The following CEP120 variants were observed in gnomAD, a reference collection of about 807,000 sequenced individuals.
CEP120 encodes the protein centrosomal protein of 120 kDa.
A neutral mutation model predicts 126.5 loss-of-function variants in CEP120; 113 were observed. That is an observed-to-expected ratio of 0.89 (90% CI 0.77 to 1.04). The LOEUF is 1.04. Among genes scored for constraint, CEP120 ranks in the 50% least tolerant of loss-of-function variants. CEP120 has a pLI of 0.00. For missense variants in CEP120, 1,230 were observed against 1,155.7 expected, an observed-to-expected ratio of 1.06 and a Z score of -0.93; for synonymous variants, 400 against 394.3, an observed-to-expected ratio of 1.01 and a Z score of -0.17.
At chr5:123,367,546 G>A (rs1376921058) in intron 17 of CEP120, among the ~76,000 whole-genome samples, 1 of 151,726 alleles carries the variant, frequency 6.6e-6, no homozygotes, top group East Asian at 1.9e-4. Flanking sequence ...GAACAGCGAT[G>A]CTGAACAGGT....
intron 19 of CEP120, among the ~76,000 whole-genome samples, chr5:123,349,717 T>C (rs1033453097): frequency 3.9e-5 from 6 of 152,054 alleles, no homozygotes; most frequent in African/African-American, 1.4e-4. Flanking sequence ...CACAGCTCAC[T>C]GCAGCCTGGA....
At position 123,391,477 on chromosome 5, in the gene CEP120, G is replaced by T. The variant is rs6877089; in HGVS notation, c.811-140C>A. On this transcript the variant is annotated intron_variant, in intron 6 of 19. Coordinates refer to ENST00000306467, the MANE Select transcript of CEP120 (RefSeq NM_001375405.1). Reference sequence around the variant, plus strand: ...TTATACCTCATTGACCTCAAGTGACGAAGTAATGAATTCTCACACATAACT... The same window carrying T: ...TTATACCTCATTGACCTCAAGTGACTAAGTAATGAATTCTCACACATAACT... The T allele has an allele frequency of 0.69, 430,216 of 619,656 alleles. 150,484 individuals carry two copies. Among genetic ancestry groups the T allele is most frequent in the African/African-American group, 0.75 (40,651 of 54,258 alleles). 38.4% of individuals were successfully genotyped at this position (619,656 alleles called of 1,614,324 possible).
At chr5:123,384,631 A>G (rs1771896892) in intron 11 of CEP120, among the ~76,000 whole-genome samples, 1 of 152,156 alleles carries the variant, frequency 6.6e-6, no homozygotes, top group African/African-American at 2.4e-5. Flanking sequence ...ACCTCAAATT[A>G]CAAAATAAAA....
At chr5:123,410,793 A>T (rs1196204628) in intron 4 of CEP120, among the ~76,000 whole-genome samples, 1 of 152,216 alleles carries the variant, frequency 6.6e-6, no homozygotes, top group Non-Finnish European at 1.5e-5. Context: ...TTTCAGATAC[A>T]ACTACAAAGG....
rs376410610 is a variant in CEP120 at position 123,400,244 on chromosome 5, T to C, written c.464-960A>G. Among the ~76,000 whole-genome samples the C allele has an allele frequency of 1.2e-4, 19 of 152,318 alleles. No homozygotes were observed. In the East Asian group the frequency reaches 2.9e-3, roughly 23 times the overall value. On this transcript the variant is annotated intron_variant, in intron 4 of 19. Transcript: ENST00000306467. ...CAAGGTTCCAATCCCAGTTCTGTCCTTGACTTGTTGCACAGGGAACCCATA... is the reference window on the plus strand; with the variant it reads ...CAAGGTTCCAATCCCAGTTCTGTCCCTGACTTGTTGCACAGGGAACCCATA...
At position 123,349,815 on chromosome 5, in the gene CEP120, T is replaced by G. The variant is rs1413442571; in HGVS notation, c.2726+129A>C. 4.1e-6 allele frequency: 3 copies of G among 728,562 alleles called. No homozygotes were observed. The African/African-American group carries it at 5.4e-5, about 13-fold the overall frequency. The allele number at this position is 728,562 out of a possible 1,614,324, so 45.1% of individuals were successfully genotyped here. A position where few individuals can be genotyped will look rare whatever the true frequency, so the allele number is the denominator to read the frequency against. ...CACAGTACCCAGCTGGCATAGATTT[T>G]CTATTGTATATGTCTGCTACATTTT... On this transcript the variant is annotated intron_variant, in intron 19 of 19. Coordinates refer to ENST00000306467, the MANE Select transcript of CEP120 (RefSeq NM_001375405.1).
At chr5:123,382,423 T>C (rs1229186640) in intron 13 of CEP120, among the ~76,000 whole-genome samples, 2 of 151,864 alleles carry the variant, frequency 1.3e-5, no homozygotes, top group African/African-American at 2.4e-5. Flanking sequence ...TTGTGCTTTC[T>C]AACTCTTGTT....
chr5:123,418,360 T>C lies in CEP120; in HGVS notation c.205A>G (p.Arg69Gly), dbSNP rs200815742. The C allele has an allele frequency of 6.3e-7, 1 of 1,586,312 alleles. No homozygotes were observed. Residue 69 changes from arginine to glycine, a missense_variant and splice_region_variant, in exon 2 of 20, where the codon AGG (arginine) becomes GGG (glycine). By Grantham distance (125) the Arg-to-Gly change is moderately radical. Transcript: ENST00000306467. ...AGCTAAAATGAAAATGATAATCACC[T>C]GTGCTGATGAAGCGCTTTCCTGTCA... ...EIDRKALHQH[R>G]LQRTPIKLQC...
At chr5:123,391,697 C>A (rs1320859268) in intron 6 of CEP120, among the ~76,000 whole-genome samples, 5 of 152,070 alleles carry the variant, frequency 3.3e-5, no homozygotes, top group Non-Finnish European at 7.4e-5. Context: ...AATACCTCAA[C>A]ATTTTTCTTT....
rs1771693655 is a variant in CEP120, at chr5:123,382,210, G to T, written c.2014-10C>A. On this transcript the variant is annotated splice_polypyrimidine_tract_variant and intron_variant, in intron 13 of 19. Transcript: ENST00000306467. ...GTTCTTTCTGCTTCAGCTACAAAAG[G>T]AAGAAAAATAAAGTCGCCAAAAAAC... 2 of 1,582,572 alleles carry T rather than the reference G, an allele frequency of 1.3e-6. No individual in the cohort carries two copies. Among genetic ancestry groups the T allele is most frequent in the South Asian group, 2.3e-5 (2 of 86,580 alleles).
intron 4 of CEP120, among the ~76,000 whole-genome samples, chr5:123,404,208 G>A (rs1039531703): frequency 2.0e-5 from 3 of 152,062 alleles, no homozygotes; most frequent in Non-Finnish European, 4.4e-5. Flanking sequence ...ATTTCACAAC[G>A]AAAACAAATT....
chr5:123,399,847 T>C (rs557132756), intron 4 of CEP120, among the ~76,000 whole-genome samples: 60 of 152,108 alleles, frequency 3.9e-4, no homozygotes, highest in Non-Finnish European at 7.2e-4. Flanking sequence ...TTTCTAAGAA[T>C]AAGAGAAAAT....
rs566930348 is a variant in CEP120 at position 123,366,404 on chromosome 5, A to C, written c.2482-1810T>G. 5.7e-4 allele frequency among the ~76,000 whole-genome samples: 86 copies of C among 151,912 alleles called. 1 individual carries two copies. The South Asian group carries it at 0.017, about 30-fold the overall frequency. Reference sequence around the variant, plus strand: ...CCAAGTTATATACTCCTGAAAGAAAAACTCAGCTCAGGACCTACAGTCCAT... The same window carrying C: ...CCAAGTTATATACTCCTGAAAGAAACACTCAGCTCAGGACCTACAGTCCAT... On this transcript the variant is annotated intron_variant, in intron 17 of 19. Transcript: ENST00000306467.
intron 1 of CEP120, among the ~76,000 whole-genome samples, chr5:123,421,666 T>C (rs1043527169): frequency 1.5e-5 from 2 of 137,424 alleles, no homozygotes; most frequent in African/African-American, 2.6e-5. Flanking sequence ...CCCCAACATA[T>C]TGTGTCCTGT....
intron 18 of CEP120, among the ~76,000 whole-genome samples, chr5:123,359,877 A>T (rs1769942456): frequency 6.6e-6 from 1 of 152,022 alleles, no homozygotes; most frequent in African/African-American, 2.4e-5. Flanking sequence ...CTCTGTTTAA[A>T]CATTCTTCTG....
chr5:123,388,381 A>AG (rs777630007), intron 9 of CEP120, 51 bp downstream of exon 9: 2 of 1,281,876 alleles, frequency 1.6e-6, no homozygotes, highest in South Asian at 3.7e-5. Context: ...CAAACACAGG[A>AG]AAGTCCTTTC....
At chr5:123,415,109 T>A (rs2127133303) in intron 3 of CEP120, among the ~76,000 whole-genome samples, 1 of 150,028 alleles carries the variant, frequency 6.7e-6, no homozygotes, top group Admixed American at 6.7e-5. Flanking sequence ...ACTGGTTAGA[T>A]AACATCAACT....
chr5:123,397,385 C>T (rs1367041097), intron 5 of CEP120, among the ~76,000 whole-genome samples: 2 of 152,102 alleles, frequency 1.3e-5, no homozygotes, highest in Non-Finnish European at 2.9e-5. Flanking sequence ...AGTAAAAATA[C>T]AGTACATTCC....
At chr5:123,404,238 G>A (rs1156824739) in intron 4 of CEP120, among the ~76,000 whole-genome samples, 2 of 152,064 alleles carry the variant, frequency 1.3e-5, no homozygotes, top group Non-Finnish European at 2.9e-5. Context: ...TTTTTTCACT[G>A]AGGGAAAAAA....
Sources: gnomAD v4.1 joint callset for allele counts (sites outside exome capture counted in the v4.1 genomes callset) on GRCh38, gnomAD v4.1.1 for gene constraint, MANE v1.5 for transcripts, NCBI Gene and HGNC (gene_info 2026-07-23, HGNC 2026-07-21) for gene names.